Variants in BCL2L13 observed in about 807,000 individuals in gnomAD.
The protein encoded by BCL2L13 is bcl-2-like protein 13.
Under a neutral mutation model 25.8 loss-of-function variants are expected in BCL2L13, and 13 were observed. That is an observed-to-expected ratio of 0.50 (90% CI 0.33 to 0.80). The LOEUF is 0.80. Among genes scored for constraint, BCL2L13 ranks in the 30% least tolerant of loss-of-function variants. BCL2L13 has a pLI of 0.02. For synonymous variants in BCL2L13, 244 were observed against 230.3 expected (o/e 1.06, Z -0.54); for missense variants, 504 against 574.9 (o/e 0.88, Z 1.26).
chr22:17,690,624 G>A (rs2060078707), intron 4 of BCL2L13, among the ~76,000 whole-genome samples: 1 of 152,194 alleles, frequency 6.6e-6, no homozygotes, highest in Non-Finnish European at 1.5e-5. Context: ...ATTAGCCAGT[G>A]TGATGGCATG....
At chr22:17,721,155 G>A (rs2061113850) in intron 6 of BCL2L13, among the ~76,000 whole-genome samples, 1 of 141,888 alleles carries the variant, frequency 7.0e-6, no homozygotes, top group South Asian at 2.4e-4. Flanking sequence ...GGGGGACAGG[G>A]CGAGACTCCG....
intron 6 of BCL2L13, among the ~76,000 whole-genome samples, chr22:17,717,146 A>G (rs2060968373): frequency 6.6e-6 from 1 of 151,906 alleles, no homozygotes; most frequent in Non-Finnish European, 1.5e-5. Context: ...CTCATCTTTG[A>G]TCTGCTGGTT....
chr22:17,676,560 C>T (rs947420552), intron 2 of BCL2L13, among the ~76,000 whole-genome samples: 3 of 152,182 alleles, frequency 2.0e-5, no homozygotes, highest in Admixed American at 2.0e-4. Flanking sequence ...TTATCAACCA[C>T]TTTACGGCTG....
At chr22:17,716,099 A>G (rs1014449035) in intron 6 of BCL2L13, among the ~76,000 whole-genome samples, 5 of 152,214 alleles carry the variant, frequency 3.3e-5, no homozygotes, top group African/African-American at 9.7e-5. Flanking sequence ...TGAAAAAATT[A>G]GTGAGAAGTA....
At chr22:17,723,034 A>G (rs1181260808) in intron 6 of BCL2L13, among the ~76,000 whole-genome samples, 2 of 152,190 alleles carry the variant, frequency 1.3e-5, no homozygotes, top group East Asian at 1.9e-4. Context: ...ATCCTTCTGT[A>G]TTAAAAATGA....
At chr22:17,692,444 AG>A (rs2145644274) in intron 4 of BCL2L13, 1 of 152,342 alleles carries the variant, frequency 6.6e-6, no homozygotes, top group East Asian at 1.9e-4. Flanking sequence ...CAGGAAAGGA[AG>A]TGAGGGGACT....
intron 6 of BCL2L13, among the ~76,000 whole-genome samples, chr22:17,715,122 T>TTATATATATATATATATATA (rs1371492072): frequency 1.9e-5 from 1 of 52,976 alleles, no homozygotes; most frequent in Non-Finnish European, 3.4e-5. Flanking sequence ...AGTGTTAATT[T>TTATATATATATATATATATA]TATATATATA....
chr22:17,690,690 T>C (rs2060081461), intron 4 of BCL2L13, among the ~76,000 whole-genome samples: 1 of 152,060 alleles, frequency 6.6e-6, no homozygotes, highest in Non-Finnish European at 1.5e-5. Flanking sequence ...TTGAGCCCAA[T>C]AGTTTGAGGC....
chr22:17,703,823 C>T (rs745324236), intron 6 of BCL2L13: 1 of 152,088 alleles, frequency 6.6e-6, no homozygotes, highest in Non-Finnish European at 1.5e-5. Flanking sequence ...CTTTTTAAAA[C>T]CTTTGGCTAT....
intron 2 of BCL2L13, among the ~76,000 whole-genome samples, chr22:17,672,939 T>C (rs2059459528): frequency 6.6e-6 from 1 of 152,182 alleles, no homozygotes; most frequent in Non-Finnish European, 1.5e-5. Context: ...AGATGACAGA[T>C]GGCAGATAAA....
intron 2 of BCL2L13, among the ~76,000 whole-genome samples, chr22:17,656,579 C>A (rs1272223248): frequency 6.6e-6 from 1 of 151,536 alleles, no homozygotes; most frequent in African/African-American, 2.4e-5. Flanking sequence ...AACTCTGGAC[C>A]TCAGGTGATC....
chr22:17,664,640 C>T (rs1463245432), intron 2 of BCL2L13, among the ~76,000 whole-genome samples: 1 of 152,258 alleles, frequency 6.6e-6, no homozygotes, highest in East Asian at 1.9e-4. Flanking sequence ...GGCTCCACCC[C>T]TATAGCACAC....
chr22:17,665,488 TTTAA>T (rs2059207028), intron 2 of BCL2L13, among the ~76,000 whole-genome samples: 1 of 152,158 alleles, frequency 6.6e-6, no homozygotes, highest in South Asian at 2.1e-4. Flanking sequence ...TTCGGGTATG[TTTAA>T]GCAGTGCCCC....
At chr22:17,706,661 T>C in intron 6 of BCL2L13, 1 of 1,295,586 alleles carries the variant, frequency 7.7e-7, no homozygotes, top group Non-Finnish European at 1.0e-6. Context: ...TTTTGACTTT[T>C]ATTTGCCCTG....
At chr22:17,680,062 A>G (rs1244157305) in intron 2 of BCL2L13, among the ~76,000 whole-genome samples, 1 of 151,662 alleles carries the variant, frequency 6.6e-6, no homozygotes, top group African/African-American at 2.4e-5. Flanking sequence ...AAAATACAAA[A>G]AATTAGCCGG....
intron 4 of BCL2L13, among the ~76,000 whole-genome samples, chr22:17,691,490 C>T (rs1003489791): frequency 1.3e-5 from 2 of 152,030 alleles, no homozygotes; most frequent in Admixed American, 6.6e-5. Flanking sequence ...ACTAAAAATA[C>T]AAAAAATTAG....
intron 2 of BCL2L13, among the ~76,000 whole-genome samples, chr22:17,665,530 A>T (rs927617256): frequency 3.9e-5 from 6 of 152,224 alleles, no homozygotes; most frequent in African/African-American, 1.4e-4. Context: ...TCTGTATGAG[A>T]ACAGTATGGG....
chr22:17,691,187 T>G (rs2060093167), intron 4 of BCL2L13, among the ~76,000 whole-genome samples: 1 of 152,074 alleles, frequency 6.6e-6, no homozygotes, highest in African/African-American at 2.4e-5. Flanking sequence ...ATTTTCCCAC[T>G]TTTCTTAACC....
intron 2 of BCL2L13, among the ~76,000 whole-genome samples, chr22:17,675,800 T>C (rs538190046): frequency 6.6e-6 from 1 of 152,322 alleles, no homozygotes; most frequent in South Asian, 2.1e-4. Flanking sequence ...TCCAACAAAT[T>C]TAAGCAACAC....
Sources: gnomAD v4.1 joint callset for allele counts (sites outside exome capture counted in the v4.1 genomes callset) on GRCh38, gnomAD v4.1.1 for gene constraint, MANE v1.5 for transcripts, NCBI Gene and HGNC (gene_info 2026-07-23, HGNC 2026-07-21) for gene names.